Variants in CNTN4 observed in about 807,000 individuals in gnomAD.
CNTN4 encodes the protein contactin 4.
CNTN4 carries 77 observed loss-of-function variants against 122.5 expected under a neutral mutation model. The ratio of observed to expected loss-of-function variants is 0.63; its 90% CI spans 0.52 to 0.76. CNTN4 has a LOEUF of 0.76. Ranked by LOEUF, CNTN4 falls within the 30% of genes least tolerant of loss-of-function variation. The probability of loss-of-function intolerance (pLI) is 0.00; values close to 1 mark genes in which losing one functional copy is unlikely to be tolerated. For synonymous variants in CNTN4, 512 were observed against 447.0 expected (o/e 1.15, Z -1.83); for missense variants, 1,256 against 1,259.1 (o/e 1.00, Z 0.04).
chr3:2,929,427 C>A (rs545200661), intron 13 of CNTN4, among the ~76,000 whole-genome samples: 83 of 152,238 alleles, frequency 5.5e-4, no homozygotes, highest in African/African-American at 1.9e-3. Flanking sequence ...ATCCTAGAAT[C>A]CTAGGATTAT....
intron 8 of CNTN4, among the ~76,000 whole-genome samples, chr3:2,878,190 A>G (rs927571887): frequency 6.6e-6 from 1 of 152,194 alleles, no homozygotes; most frequent in Non-Finnish European, 1.5e-5. Flanking sequence ...TCCTGTAGCC[A>G]TAAATATGGA....
In CNTN4 at chr3:2,767,022, G is replaced by A. The variant is rs969245001; in HGVS notation, c.358+21325G>A. 2.6e-5 allele frequency among the ~76,000 whole-genome samples: 4 copies of A among 152,228 alleles called. No individual in the cohort carries two copies. In the South Asian group the frequency reaches 8.3e-4, roughly 32 times the overall value. On this transcript the variant is annotated intron_variant, in intron 6 of 24. Coordinates refer to ENST00000418658, the MANE Select transcript of CNTN4 (RefSeq NM_175607.3). ...GACTTGATAAGTCAAAGCTCACTAG[G>A]ATGCAATACTAGAAAAAATGGTCTT...
chr3:2,125,893 T>TGG lies in CNTN4; in HGVS notation c.-145+25255_-145+25256dup, dbSNP rs1434770925. On this transcript the variant is annotated intron_variant, in intron 2 of 24. Coordinates refer to ENST00000418658, the MANE Select transcript of CNTN4 (RefSeq NM_175607.3). ...TTATAAGTTGCTCAGTTTTTATTTC[T>TGG]GGTGTGTGTGTGTGTGTGTGTGTGT... Among the ~76,000 whole-genome samples the TGG allele has an allele frequency of 1.7e-3, 163 of 96,696 alleles. 2 individuals are homozygous for TGG. Among genetic ancestry groups the TGG allele is most frequent in the Non-Finnish European group, 3.9e-4 (17 of 43,288 alleles). 63.4% of individuals were successfully genotyped at this position (96,696 alleles called of 152,430 possible).
At chr3:2,557,340 G>A (rs917044042) in intron 3 of CNTN4, among the ~76,000 whole-genome samples, 2 of 152,178 alleles carry the variant, frequency 1.3e-5, no homozygotes, top group African/African-American at 2.4e-5. Context: ...AGGAGCTTAC[G>A]CTAGTAGTAA....
intron 4 of CNTN4, among the ~76,000 whole-genome samples, chr3:2,692,363 T>C (rs2085788315): frequency 6.6e-6 from 1 of 152,070 alleles, no homozygotes; most frequent in Non-Finnish European, 1.5e-5. Flanking sequence ...GTTCCAATAA[T>C]TTTCCTTTTC....
chr3:2,251,016 A>G (rs889865234), intron 2 of CNTN4, among the ~76,000 whole-genome samples: 1 of 151,850 alleles, frequency 6.6e-6, no homozygotes, highest in Non-Finnish European at 1.5e-5. Context: ...ATTGTCACCT[A>G]TATATATAGT....
chr3:2,139,611 G>A (rs1449802163), intron 2 of CNTN4, among the ~76,000 whole-genome samples: 1 of 152,218 alleles, frequency 6.6e-6, no homozygotes, highest in Non-Finnish European at 1.5e-5. Context: ...TAGCTTGGGA[G>A]TGGTAGACAT....
At chr3:2,909,837 A>G (rs1250662128) in intron 12 of CNTN4, among the ~76,000 whole-genome samples, 1 of 152,174 alleles carries the variant, frequency 6.6e-6, no homozygotes, top group Non-Finnish European at 1.5e-5. Flanking sequence ...GGGAATTTAT[A>G]TTTCTAACAA....
chr3:2,881,825 C>G (rs963320581), intron 8 of CNTN4, among the ~76,000 whole-genome samples: 1 of 152,076 alleles, frequency 6.6e-6, no homozygotes, highest in Non-Finnish European at 1.5e-5. Context: ...CACCTGTCCC[C>G]CATCCATTTT....
At chr3:2,170,456 A>G (rs567985536) in intron 2 of CNTN4, among the ~76,000 whole-genome samples, 1 of 152,224 alleles carries the variant, frequency 6.6e-6, no homozygotes, top group Non-Finnish European at 1.5e-5. Flanking sequence ...ACCATTCACT[A>G]TATGATATAA....
At chr3:2,825,369 A>G (rs1424443185) in intron 7 of CNTN4, among the ~76,000 whole-genome samples, 7 of 152,064 alleles carry the variant, frequency 4.6e-5, no homozygotes, top group South Asian at 4.2e-4. Context: ...GACTACAGGC[A>G]CATGCCACCA....
intron 4 of CNTN4, among the ~76,000 whole-genome samples, chr3:2,586,100 C>G (rs1025804587): frequency 6.6e-6 from 1 of 152,032 alleles, no homozygotes; most frequent in Non-Finnish European, 1.5e-5. Context: ...ACCTCTGTAC[C>G]TCTGTATTAT....
chr3:2,683,490 A>G (rs1420354258), intron 4 of CNTN4, among the ~76,000 whole-genome samples: 2 of 151,974 alleles, frequency 1.3e-5, no homozygotes, highest in Non-Finnish European at 1.5e-5. Context: ...ACATGTCCAC[A>G]TGTTGAAGTT....
At chr3:2,272,687 CTTGACAATTGTA>C (rs1383756650) in intron 2 of CNTN4, among the ~76,000 whole-genome samples, 1 of 152,114 alleles carries the variant, frequency 6.6e-6, no homozygotes, top group Non-Finnish European at 1.5e-5. Flanking sequence ...AGCCCCTCAA[CTTGACAATTGTA>C]TTGACAATTA....
intron 2 of CNTN4, among the ~76,000 whole-genome samples, chr3:2,207,370 A>G (rs140934490): frequency 1.3e-5 from 2 of 152,254 alleles, no homozygotes; most frequent in East Asian, 3.9e-4. Flanking sequence ...AGAGTAGGCC[A>G]AAAAGGTAGG....
intron 4 of CNTN4, chr3:2,735,960 C>T (rs370915773): frequency 3.4e-6 from 2 of 595,796 alleles, no homozygotes; most frequent in Non-Finnish European, 6.4e-6. Context: ...AGACGTCAAG[C>T]AGCCTGCGCC....
intron 3 of CNTN4, among the ~76,000 whole-genome samples, chr3:2,358,215 T>C (rs937871902): frequency 6.6e-6 from 1 of 152,210 alleles, no homozygotes; most frequent in African/African-American, 2.4e-5. Flanking sequence ...ACTTAACAGT[T>C]TGAGGAATGT....
At chr3:2,521,343 T>TCCCCCCCCCCCCCCCCCCCCCCCCCCC (rs5846190) in intron 3 of CNTN4, among the ~76,000 whole-genome samples, 1 of 128,308 alleles carries the variant, frequency 7.8e-6, no homozygotes, top group African/African-American at 3.1e-5. Flanking sequence ...CCTCTACCCA[T>TCCCCCCCCCCCCCCCCCCCCCCCCCCC]CCCCCCCACC....
chr3:3,024,985 A>T (rs1176890989), intron 14 of CNTN4, among the ~76,000 whole-genome samples: 7 of 152,046 alleles, frequency 4.6e-5, no homozygotes, highest in Non-Finnish European at 8.8e-5. Flanking sequence ...TAATTGTTTG[A>T]TTGGCTCGGT....
Sources: allele counts gnomAD v4.1 joint callset (sites outside exome capture counted in the v4.1 genomes callset), GRCh38; gene constraint gnomAD v4.1.1; transcripts MANE v1.5; gene names NCBI Gene and HGNC (gene_info 2026-07-23, HGNC 2026-07-21).